THSD7B: variants seen among roughly 807,000 people sequenced by gnomAD.
THSD7B encodes the protein thrombospondin type-1 domain-containing protein 7B.
A neutral mutation model predicts 213.6 loss-of-function variants in THSD7B; 138 were observed. That is an observed-to-expected ratio of 0.65 (90% CI 0.56 to 0.74). THSD7B has a LOEUF of 0.74. Ranked by LOEUF, THSD7B falls within the 30% of genes least tolerant of loss-of-function variation. The pLI is 0.00. For missense variants in THSD7B, 1,931 were observed against 1,991.5 expected, an observed-to-expected ratio of 0.97 and a Z score of 0.58; for synonymous variants, 742 against 687.0, an observed-to-expected ratio of 1.08 and a Z score of -1.25.
Position 137,656,784 on chromosome 2 carries a change from A to G in THSD7B, c.4106-12A>G, listed in dbSNP as rs373761030. ...TGCTGTTTTCTCCACCCTGTACTGC[A>G]TGACTGTCCAGGAGACTGCCATTTA... is the stretch of plus-strand genomic sequence containing the variant. On this transcript the variant is annotated splice_polypyrimidine_tract_variant and intron_variant, in intron 22 of 27. Transcript: ENST00000409968. 3.1e-5 allele frequency: 50 copies of G among 1,612,424 alleles called. No individual in the cohort carries two copies. The African/African-American group carries it at 5.7e-4, about 18-fold the overall frequency.
intron 15 of THSD7B, among the ~76,000 whole-genome samples, chr2:137,547,751 C>T (rs1680769537): frequency 6.6e-6 from 1 of 151,738 alleles, no homozygotes; most frequent in South Asian, 2.1e-4. Context: ...TTGTTCTGTC[C>T]TCTTTCACTT....
chr2:136,967,179 A>C (rs1314813527), intron 2 of THSD7B, among the ~76,000 whole-genome samples: 8 of 152,156 alleles, frequency 5.3e-5, no homozygotes, highest in Non-Finnish European at 1.5e-5. Flanking sequence ...CCACAAAATT[A>C]AATACTGAAG....
chr2:137,405,490 C>A, intron 12 of THSD7B, 123 bp from the exon 13 acceptor site: 1 of 807,636 alleles, frequency 1.2e-6, no homozygotes, highest in Non-Finnish European at 1.9e-6. Flanking sequence ...ATGTTGAACA[C>A]CGTTTGCACC....
At chr2:137,325,262 A>C (rs975203791) in intron 12 of THSD7B, among the ~76,000 whole-genome samples, 6 of 152,208 alleles carry the variant, frequency 3.9e-5, no homozygotes, top group Non-Finnish European at 1.5e-5. Flanking sequence ...GAAAGCTCTG[A>C]ACTGAAGTGA....
At chr2:137,509,468 A>AT (rs953518027) in intron 15 of THSD7B, among the ~76,000 whole-genome samples, 1 of 151,560 alleles carries the variant, frequency 6.6e-6, no homozygotes, top group Admixed American at 6.6e-5. Flanking sequence ...TATCTTAAAC[A>AT]TTTTTTTCTC....
At chr2:137,546,478 A>ATT (rs1491402224) in intron 15 of THSD7B, among the ~76,000 whole-genome samples, 1 of 55,640 alleles carries the variant, frequency 1.8e-5, no homozygotes, top group Admixed American at 3.4e-4. Context: ...ATATATATAT[A>ATT]ATATATATAT....
intron 15 of THSD7B, 47 bp downstream of exon 15, chr2:137,451,070 A>G (rs1164301520): frequency 2.1e-6 from 3 of 1,448,982 alleles, no homozygotes; most frequent in Admixed American, 5.6e-5. Context: ...AGCTATCCTC[A>G]TTATTATTTC....
At chr2:137,334,164 CTCTCTT>C (rs1372059199) in intron 12 of THSD7B, among the ~76,000 whole-genome samples, 16 of 70,750 alleles carry the variant, frequency 2.3e-4, no homozygotes, top group Non-Finnish European at 2.9e-4. Flanking sequence ...TTCTTTCTTT[CTCTCTT>C]TCTCTCTCTC....
chr2:137,482,869 C>T lies in THSD7B; in HGVS notation c.3138+31846C>T, dbSNP rs117635564. 3.9e-5 allele frequency among the ~76,000 whole-genome samples: 6 copies of T among 152,246 alleles called. No individual in the cohort carries two copies. In the East Asian group the frequency reaches 1.2e-3, roughly 29 times the overall value. The stretch of plus-strand genomic sequence containing the variant: ...AAAGGCAGGAAGTGGGTGGGAGATC[C>T]AGATGCCCAATACAGCATAGGATCT... On this transcript the variant is annotated intron_variant, in intron 15 of 27. Transcript: ENST00000409968.
chr2:137,464,724 G>C (rs563280071), intron 15 of THSD7B, among the ~76,000 whole-genome samples: 1 of 152,108 alleles, frequency 6.6e-6, no homozygotes, highest in East Asian at 1.9e-4. Flanking sequence ...ATATTGAAGA[G>C]CTGCTCAATT....
At chr2:137,519,678 A>G (rs1680142393) in intron 15 of THSD7B, among the ~76,000 whole-genome samples, 1 of 152,216 alleles carries the variant, frequency 6.6e-6, no homozygotes, top group Admixed American at 6.5e-5. Flanking sequence ...ATATAGAAGG[A>G]CAAGTCTGGG....
chr2:137,456,508 C>T (rs576167293), intron 15 of THSD7B, among the ~76,000 whole-genome samples: 3 of 152,334 alleles, frequency 2.0e-5, no homozygotes, highest in East Asian at 1.9e-4. Flanking sequence ...ACCAGCCCGA[C>T]TCTCTGATCC....
chr2:136,866,031 T>A (rs1026680197), intron 1 of THSD7B, among the ~76,000 whole-genome samples: 2 of 152,220 alleles, frequency 1.3e-5, no homozygotes, highest in African/African-American at 4.8e-5. Flanking sequence ...CATGAGAGGA[T>A]GATTTGATCA....
chr2:137,546,614 T>G (rs975726155), intron 15 of THSD7B, among the ~76,000 whole-genome samples: 6 of 143,926 alleles, frequency 4.2e-5, no homozygotes, highest in Non-Finnish European at 9.0e-5. Context: ...TTTTTTTTGT[T>G]TGTTTTTTAC....
intron 17 of THSD7B, among the ~76,000 whole-genome samples, chr2:137,577,972 T>A (rs1681498409): frequency 3.9e-5 from 6 of 152,214 alleles, no homozygotes; most frequent in Admixed American, 3.9e-4. Context: ...GGAATATCAT[T>A]GGATTTCTTT....
chr2:137,489,909 G>A (rs1426454549), intron 15 of THSD7B, among the ~76,000 whole-genome samples: 1 of 152,014 alleles, frequency 6.6e-6, no homozygotes, highest in Non-Finnish European at 1.5e-5. Flanking sequence ...GTGGAACAAT[G>A]TTCTGTTTTT....
chr2:137,389,980 T>C (rs1685982691), intron 12 of THSD7B, among the ~76,000 whole-genome samples: 1 of 152,174 alleles, frequency 6.6e-6, no homozygotes, highest in Non-Finnish European at 1.5e-5. Context: ...AGTCAGGTAG[T>C]GCGATGCCTC....
At chr2:136,794,862 A>C (rs1682033580) in intron 1 of THSD7B, among the ~76,000 whole-genome samples, 1 of 151,890 alleles carries the variant, frequency 6.6e-6, no homozygotes, top group Non-Finnish European at 1.5e-5. Flanking sequence ...AAGAATTAGG[A>C]TATCCATGTC....
At chr2:137,286,348 T>C (rs1483791247) in intron 12 of THSD7B, among the ~76,000 whole-genome samples, 2 of 152,180 alleles carry the variant, frequency 1.3e-5, no homozygotes, top group East Asian at 3.9e-4. Context: ...GGAAAACACA[T>C]AGAAATATAG....
Sources: allele counts gnomAD v4.1 joint callset (sites outside exome capture counted in the v4.1 genomes callset), GRCh38; gene constraint gnomAD v4.1.1; transcripts MANE v1.5; gene names NCBI Gene and HGNC (gene_info 2026-07-23, HGNC 2026-07-21).